NOS1AP: variants seen among roughly 807,000 people sequenced by gnomAD.
NOS1AP encodes carboxyl-terminal PDZ ligand of neuronal nitric oxide synthase protein.
Under a neutral mutation model 56.2 loss-of-function variants are expected in NOS1AP, and 21 were observed. That is an observed-to-expected ratio of 0.37 (90% CI 0.26 to 0.54). NOS1AP has a LOEUF of 0.54. Ranked by LOEUF, NOS1AP falls within the 20% of genes least tolerant of loss-of-function variation. The pLI is 0.84. For synonymous variants in NOS1AP, 270 were observed against 274.6 expected (o/e 0.98, Z 0.17); for missense variants, 522 against 657.8 (o/e 0.79, Z 2.26).
At chr1:162,321,333 TG>T (rs1226480204) in intron 4 of NOS1AP, among the ~76,000 whole-genome samples, 1 of 152,130 alleles carries the variant, frequency 6.6e-6, no homozygotes, top group Non-Finnish European at 1.5e-5. Context: ...TGTCCAACAA[TG>T]ATAGACTGGA....
At chr1:162,310,807 C>G (rs1019406499) in intron 4 of NOS1AP, among the ~76,000 whole-genome samples, 3 of 152,154 alleles carry the variant, frequency 2.0e-5, no homozygotes, top group Non-Finnish European at 4.4e-5. Context: ...AGGTGACCCC[C>G]ACACCTCTCT....
intron 6 of NOS1AP, among the ~76,000 whole-genome samples, chr1:162,352,411 GC>G (rs1260065616): frequency 1.3e-5 from 2 of 149,968 alleles, no homozygotes; most frequent in Admixed American, 1.3e-4. Context: ...TCCTGGACTT[GC>G]CCCTGGTATT....
intron 1 of NOS1AP, among the ~76,000 whole-genome samples, chr1:162,090,651 A>G (rs987872720): frequency 6.6e-6 from 1 of 151,992 alleles, no homozygotes; most frequent in Admixed American, 6.6e-5. Context: ...TAATTAAAAA[A>G]TTTCCCTAAG....
At chr1:162,189,671 C>A (rs765755204) in intron 2 of NOS1AP, among the ~76,000 whole-genome samples, 3 of 152,098 alleles carry the variant, frequency 2.0e-5, no homozygotes, top group Non-Finnish European at 4.4e-5. Context: ...GACAGGGTAA[C>A]ATCAGAGAGT....
intron 6 of NOS1AP, among the ~76,000 whole-genome samples, chr1:162,352,506 T>A (rs1657548544): frequency 6.6e-6 from 1 of 151,526 alleles, no homozygotes; most frequent in Non-Finnish European, 1.5e-5. Flanking sequence ...ATTCATGCAC[T>A]ATAGTAATCT....
intron 1 of NOS1AP, among the ~76,000 whole-genome samples, chr1:162,152,880 A>T (rs150849240): frequency 4.6e-5 from 7 of 151,774 alleles, no homozygotes; most frequent in Admixed American, 2.0e-4. Context: ...TCTTATCTTC[A>T]CTCTTAATGG....
At chr1:162,209,726 G>A (rs1369713448) in intron 2 of NOS1AP, among the ~76,000 whole-genome samples, 1 of 152,090 alleles carries the variant, frequency 6.6e-6, no homozygotes, top group Non-Finnish European at 1.5e-5. Context: ...TCTCTTGCTA[G>A]CCATCTTCAA....
At chr1:162,278,787 GGA>G (rs1654827704) in intron 2 of NOS1AP, among the ~76,000 whole-genome samples, 1 of 151,930 alleles carries the variant, frequency 6.6e-6, no homozygotes, top group East Asian at 1.9e-4. Context: ...GCTGCATAAT[GGA>G]TGTGTATATT....
At chr1:162,279,377 C>T (rs1654844643) in intron 2 of NOS1AP, among the ~76,000 whole-genome samples, 1 of 152,174 alleles carries the variant, frequency 6.6e-6, no homozygotes, top group Non-Finnish European at 1.5e-5. Flanking sequence ...TTGAGGCTGC[C>T]GCTGCCTTCC....
intron 1 of NOS1AP, among the ~76,000 whole-genome samples, chr1:162,071,473 T>C (rs1459452979): frequency 6.6e-6 from 1 of 152,196 alleles, no homozygotes; most frequent in Non-Finnish European, 1.5e-5. Context: ...TTCTTTCTCA[T>C]GTATATGGGT....
At chr1:162,202,503 T>C (rs1652028914) in intron 2 of NOS1AP, among the ~76,000 whole-genome samples, 1 of 152,202 alleles carries the variant, frequency 6.6e-6, no homozygotes, top group African/African-American at 2.4e-5. Context: ...ACATACATTT[T>C]AATGGTTTCA....
chr1:162,310,228 G>T (rs1258214725), intron 4 of NOS1AP, among the ~76,000 whole-genome samples: 1 of 152,172 alleles, frequency 6.6e-6, no homozygotes, highest in Non-Finnish European at 1.5e-5. Flanking sequence ...AGGGAATGAG[G>T]TATACCCCGT....
At chr1:162,238,309 G>A (rs1299476797) in intron 2 of NOS1AP, among the ~76,000 whole-genome samples, 4 of 152,032 alleles carry the variant, frequency 2.6e-5, no homozygotes, top group Non-Finnish European at 5.9e-5. Context: ...ATTTTTGTGC[G>A]GGTCACAGCC....
At chr1:162,271,018 G>A (rs1296177143) in intron 2 of NOS1AP, among the ~76,000 whole-genome samples, 1 of 152,188 alleles carries the variant, frequency 6.6e-6, no homozygotes, top group African/African-American at 2.4e-5. Context: ...GCTGCTTTGC[G>A]TCAGTTGGTA....
intron 2 of NOS1AP, among the ~76,000 whole-genome samples, chr1:162,207,668 A>G (rs967813002): frequency 1.3e-5 from 2 of 152,204 alleles, no homozygotes; most frequent in African/African-American, 4.8e-5. Flanking sequence ...TGGTTATCAT[A>G]TAGCTTTGGG....
At chr1:162,353,041 GC>G (rs1362153574) in intron 6 of NOS1AP, among the ~76,000 whole-genome samples, 3 of 100,332 alleles carry the variant, frequency 3.0e-5, no homozygotes, top group African/African-American at 1.1e-4. Flanking sequence ...CCCCACCCCC[GC>G]CCCCACCACA....
At chr1:162,259,175 TTG>T in intron 2 of NOS1AP, among the ~76,000 whole-genome samples, 1 of 152,308 alleles carries the variant, frequency 6.6e-6, no homozygotes, top group African/African-American at 2.4e-5. Context: ...CTCTCATCTT[TTG>T]TGAGTTAGAT....
intron 1 of NOS1AP, among the ~76,000 whole-genome samples, chr1:162,138,052 C>T (rs1649080038): frequency 1.3e-5 from 2 of 152,142 alleles, no homozygotes; most frequent in Admixed American, 1.3e-4. Flanking sequence ...TACATTGACA[C>T]CTTTTTTTAA....
At chr1:162,077,248 C>T (rs1200167103) in intron 1 of NOS1AP, among the ~76,000 whole-genome samples, 10 of 152,044 alleles carry the variant, frequency 6.6e-5, no homozygotes, top group Admixed American at 6.5e-4. Flanking sequence ...TGATTCTAGC[C>T]ATCCTCCTGG....
Sources: allele counts gnomAD v4.1 joint callset (sites outside exome capture counted in the v4.1 genomes callset), GRCh38; gene constraint gnomAD v4.1.1; transcripts MANE v1.5; gene names NCBI Gene and HGNC (gene_info 2026-07-23, HGNC 2026-07-21).